Variants in XXYLT1 observed in about 807,000 individuals in gnomAD.
XXYLT1 encodes the protein UDP-xylose:alpha-xyloside alpha-1,3-xylosyltransferase.
A neutral mutation model predicts 28.9 loss-of-function variants in XXYLT1; 20 were observed. The ratio of observed to expected loss-of-function variants is 0.69; its 90% CI spans 0.49 to 1.00. XXYLT1 has a LOEUF of 1.00. Among genes scored for constraint, XXYLT1 ranks in the 50% least tolerant of loss-of-function variants. XXYLT1 has a pLI of 0.00. For missense variants in XXYLT1, 542 were observed against 560.1 expected, an observed-to-expected ratio of 0.97 and a Z score of 0.33; for synonymous variants, 257 against 253.8, an observed-to-expected ratio of 1.01 and a Z score of -0.12.
chr3:195,098,927 C>G (rs115269322), intron 3 of XXYLT1, among the ~76,000 whole-genome samples: 2 of 152,250 alleles, frequency 1.3e-5, no homozygotes. Context: ...CTGAGCGGCC[C>G]TGTTGACTTG....
In XXYLT1 at chr3:195,256,043, A is replaced by T. The variant is rs116424233; in HGVS notation, c.504+14512T>A. Among the ~76,000 whole-genome samples the T allele has an allele frequency of 1.3e-3, 191 of 152,282 alleles. 1 individual carries two copies. The highest frequency in any genetic ancestry group is 4.5e-3 in the African/African-American group (186 of 41,564). ...CAGGGGAAGAGGCCACCCAGCCAGC[A>T]GCAGGCACAGGGGCACCGTGGGAAC... On this transcript the variant is annotated intron_variant, in intron 1 of 3. Transcript: ENST00000310380. The surrounding 1 kb of genome is among the most constrained non-coding windows in gnomAD (Gnocchi z 4.2).
At chr3:195,253,169 C>T (rs1422187068) in intron 1 of XXYLT1, among the ~76,000 whole-genome samples, 4 of 152,176 alleles carry the variant, frequency 2.6e-5, no homozygotes, top group African/African-American at 2.4e-5. Flanking sequence ...TCCCTCTCCC[C>T]GGGGCCCAGG....
At chr3:195,160,260 T>C (rs12633566) in intron 2 of XXYLT1, among the ~76,000 whole-genome samples, 28,621 of 152,194 alleles carry the variant, frequency 0.19, 3,441 homozygotes, top group East Asian at 0.57. Context: ...CAGTGCCTAC[T>C]GTCCTGGGAA....
intron 1 of XXYLT1, among the ~76,000 whole-genome samples, chr3:195,262,709 C>A (rs1049831052): frequency 6.6e-6 from 1 of 152,122 alleles, no homozygotes; most frequent in Non-Finnish European, 1.5e-5. Context: ...CACATACTTG[C>A]GGGCTTCTCC....
rs570152632 is a variant in XXYLT1 at position 195,089,451 on chromosome 3, A to G, written c.786-19340T>C. Among the ~76,000 whole-genome samples the G allele has an allele frequency of 1.2e-3, 182 of 152,256 alleles. 1 individual carries two copies. Among genetic ancestry groups the G allele is most frequent in the Non-Finnish European group, 4.0e-4 (27 of 68,022 alleles). On this transcript the variant is annotated intron_variant, in intron 3 of 3. Transcript: ENST00000310380. ...AAGCTTCATAAGTGAAGGAGAAATA[A>G]AATACTTTACAGACAAACAAATGCT...
rs200544076 is a variant in XXYLT1 at position 195,134,868 on chromosome 3, T to TGC, written c.785+21579_785+21580dup. On this transcript the variant is annotated intron_variant, in intron 3 of 3. Coordinates refer to ENST00000310380, the MANE Select transcript of XXYLT1 (RefSeq NM_152531.5). ...GTGTGTGTGTGTGTGTGTGTGTGTG[T>TGC]GCGTGTGCGCGCGTGCGCGCACGTG... Among the ~76,000 whole-genome samples the TGC allele has an allele frequency of 1.2e-4, 12 of 100,196 alleles. 1 individual carries two copies. The South Asian group carries it at 1.5e-3, about 13-fold the overall frequency. 65.7% of individuals were successfully genotyped at this position (100,196 alleles called of 152,430 possible). A position where few individuals can be genotyped will look rare whatever the true frequency, so the allele number is the denominator to read the frequency against.
chr3:195,172,942 C>T (rs73063124), intron 2 of XXYLT1, among the ~76,000 whole-genome samples: 6,180 of 152,212 alleles, frequency 0.041, 423 homozygotes, highest in African/African-American at 0.14. Flanking sequence ...AAGAAAGGTA[C>T]TAAAGCTTAA....
intron 1 of XXYLT1, chr3:195,247,675 G>A: frequency 3.3e-6 from 2 of 597,166 alleles, no homozygotes; most frequent in Non-Finnish European, 6.1e-6. Context: ...CCGACCCCAG[G>A]GCAGGCTCAG....
intron 2 of XXYLT1, among the ~76,000 whole-genome samples, chr3:195,201,994 T>C (rs563713355): frequency 2.0e-5 from 3 of 152,236 alleles, no homozygotes; most frequent in African/African-American, 7.2e-5. Context: ...CTGACCAACA[T>C]GGAGAAACCC....
chr3:195,111,283 C>G (rs1207231591), intron 3 of XXYLT1, among the ~76,000 whole-genome samples: 1 of 152,112 alleles, frequency 6.6e-6, no homozygotes, highest in Non-Finnish European at 1.5e-5. Context: ...GGATTAGGCT[C>G]GACCATGAGG....
Position 195,193,157 on chromosome 3 carries a change from GT to G in XXYLT1, c.652+33551del, listed in dbSNP as rs1411215347. On this transcript the variant is annotated intron_variant, in intron 2 of 3. Transcript: ENST00000310380. The stretch of plus-strand genomic sequence containing the variant: ...AAAAAAGTTAGCCAGGAGTGGTGGT[GT>G]GCGCCTGTAATCCCAGCTACTTGGG... Among the ~76,000 whole-genome samples, 28 of 151,956 alleles carry G rather than the reference GT, an allele frequency of 1.8e-4. 1 individual carries two copies. The highest frequency in any genetic ancestry group is 4.8e-5 in the African/African-American group (2 of 41,406).
intron 2 of XXYLT1, among the ~76,000 whole-genome samples, chr3:195,205,243 C>A (rs1175144272): frequency 6.6e-6 from 1 of 152,222 alleles, no homozygotes; most frequent in Non-Finnish European, 1.5e-5. Flanking sequence ...TTTATGCATA[C>A]TAGCCGCAAA....
intron 3 of XXYLT1, chr3:195,146,864 G>T (rs1233248719): frequency 6.5e-6 from 1 of 153,572 alleles, no homozygotes; most frequent in African/African-American, 2.4e-5. Context: ...TAGGCAACTT[G>T]GTGGTCCCCC....
At chr3:195,214,974 C>A (rs1723503551) in intron 2 of XXYLT1, 3 of 151,472 alleles carry the variant, frequency 2.0e-5, no homozygotes, top group African/African-American at 7.3e-5. Flanking sequence ...GCGGATCTCT[C>A]GGCAGAAACC....
rs1722585283 is a variant in XXYLT1, at chr3:195,195,433, T to C, written c.652+31276A>G. On this transcript the variant is annotated intron_variant, in intron 2 of 3. Coordinates refer to ENST00000310380, the MANE Select transcript of XXYLT1 (RefSeq NM_152531.5). The surrounding 1 kb of genome is among the most constrained non-coding windows in gnomAD (Gnocchi z 4.4). ...CCTTCCTCAGAGTCGCTCAGGCGCC[T>C]AAGACTGTTCCAGTCAGAAGTCCCA... Among the ~76,000 whole-genome samples, 1 of 152,194 alleles carries C rather than the reference T, an allele frequency of 6.6e-6. No individual in the cohort carries two copies. Among genetic ancestry groups the C allele is most frequent in the Non-Finnish European group, 1.5e-5 (1 of 68,026 alleles).
chr3:195,106,307 T>C (rs9872309), intron 3 of XXYLT1, among the ~76,000 whole-genome samples: 68,570 of 142,166 alleles, frequency 0.48, 18,415 homozygotes, highest in Non-Finnish European at 0.55. Context: ...GATGCTCTTG[T>C]TGTGTTTTTG....
chr3:195,181,496 G>T (rs1161508424), intron 2 of XXYLT1, among the ~76,000 whole-genome samples: 3 of 152,212 alleles, frequency 2.0e-5, no homozygotes, highest in African/African-American at 4.8e-5. Flanking sequence ...GATGATAATA[G>T]ATATCCACAA....
chr3:195,176,362 G>A lies in XXYLT1; in HGVS notation c.653-19781C>T, dbSNP rs1721665480. 6.6e-6 allele frequency among the ~76,000 whole-genome samples: 1 copy of A among 152,150 alleles called. No individual in the cohort carries two copies. The highest frequency in any genetic ancestry group is 1.5e-5 in the Non-Finnish European group (1 of 68,028). ...CCCTGGCATGCATATTATAATCCTG[G>A]GTAGAGGAGGGGTGTGTAGAATGCT... On this transcript the variant is annotated intron_variant, in intron 2 of 3. Coordinates refer to ENST00000310380, the MANE Select transcript of XXYLT1 (RefSeq NM_152531.5). This position sits in a 1 kb window ranked among gnomAD's most constrained non-coding sequence, Gnocchi z 4.9.
chr3:195,221,878 C>G (rs1371571589), intron 2 of XXYLT1, among the ~76,000 whole-genome samples: 1 of 152,098 alleles, frequency 6.6e-6, no homozygotes, highest in Non-Finnish European at 1.5e-5. Flanking sequence ...CACAGGCAGG[C>G]AAGCATGAGC....
Sources: allele counts gnomAD v4.1 joint callset (sites outside exome capture counted in the v4.1 genomes callset), GRCh38; gene constraint gnomAD v4.1.1; non-coding constraint Gnocchi (gnomAD v3.1); transcripts MANE v1.5; gene names NCBI Gene and HGNC (gene_info 2026-07-23, HGNC 2026-07-21).